Variants in ARID1B observed in about 807,000 individuals in gnomAD.
ARID1B encodes the protein AT-rich interactive domain-containing protein 1B.
A neutral mutation model predicts 212.3 loss-of-function variants in ARID1B; 30 were observed. The observed-to-expected ratio is 0.14, with a 90% CI of 0.11 to 0.19. The LOEUF is 0.19. Among genes scored for constraint, ARID1B ranks in the 10% least tolerant of loss-of-function variants. The probability of loss-of-function intolerance (pLI) is 1.00; values close to 1 mark genes in which losing one functional copy is unlikely to be tolerated. For synonymous variants in ARID1B, 1,402 were observed against 1,301.7 expected, an observed-to-expected ratio of 1.08 and a Z score of -1.66; for missense variants, 2,891 against 3,204.0, an observed-to-expected ratio of 0.90 and a Z score of 2.36.
chr6:156,868,002 C>T (rs1162222032), intron 2 of ARID1B, among the ~76,000 whole-genome samples: 1 of 152,160 alleles, frequency 6.6e-6, no homozygotes, highest in Non-Finnish European at 1.5e-5. Flanking sequence ...CTTCCTGTCC[C>T]TAGCGCTCTT....
chr6:156,782,545 A>C (rs775245128), intron 1 of ARID1B, among the ~76,000 whole-genome samples: 4 of 152,170 alleles, frequency 2.6e-5, no homozygotes, highest in Non-Finnish European at 5.9e-5. Context: ...TAGTTTTATA[A>C]AACGTAGTAC....
intron 3 of ARID1B, 56 bp downstream of exon 3, chr6:156,901,581 G>A (rs571954104): frequency 6.5e-7 from 1 of 1,548,996 alleles, no homozygotes; most frequent in Non-Finnish European, 8.7e-7. Context: ...GGCAGACCCG[G>A]CTCTGAATCA....
At chr6:156,918,204 T>A (rs1790508967) in intron 3 of ARID1B, among the ~76,000 whole-genome samples, 1 of 152,188 alleles carries the variant, frequency 6.6e-6, no homozygotes, top group Admixed American at 6.5e-5. Flanking sequence ...AGAAGTCACA[T>A]TAGGGACAGA....
At chr6:156,878,929 G>A (rs1786812962) in intron 2 of ARID1B, among the ~76,000 whole-genome samples, 2 of 152,240 alleles carry the variant, frequency 1.3e-5, no homozygotes, top group Non-Finnish European at 2.9e-5. Flanking sequence ...CATTGAGTGA[G>A]GTGGAGGAAG....
At chr6:157,046,864 T>C (rs959713602) in intron 4 of ARID1B, among the ~76,000 whole-genome samples, 2 of 152,248 alleles carry the variant, frequency 1.3e-5, no homozygotes, top group African/African-American at 4.8e-5. Flanking sequence ...CCTAAGATTT[T>C]TTCAATTTCT....
chr6:157,190,013 G>A lies in ARID1B; in HGVS notation c.4059-25G>A, dbSNP rs780378093. 30 of 1,611,332 alleles carry A rather than the reference G, an allele frequency of 1.9e-5. No homozygotes were observed. In the South Asian group the frequency reaches 3.0e-4, roughly 16 times the overall value. ...GAGGTAACTCCTGCTGTATCATTAA[G>A]CTTTCATTCTTTGCCTCTCTTCAGA... On this transcript the variant is annotated intron_variant, in intron 14 of 19. Transcript: ENST00000636930. This position sits in a 1 kb window ranked among gnomAD's most constrained non-coding sequence, Gnocchi z 4.6.
At chr6:157,018,197 A>G (rs1780020728) in intron 4 of ARID1B, among the ~76,000 whole-genome samples, 2 of 148,324 alleles carry the variant, frequency 1.3e-5, no homozygotes, top group Admixed American at 6.7e-5. Flanking sequence ...GAATGTCTAA[A>G]CAAAAAGTAG....
chr6:156,816,838 C>T (rs566962447), intron 1 of ARID1B, among the ~76,000 whole-genome samples: 16 of 152,128 alleles, frequency 1.1e-4, no homozygotes, highest in Non-Finnish European at 2.2e-4. Context: ...TGAATTTGTC[C>T]TTCTGGAGTT....
At chr6:157,055,976 C>T (rs1024786444) in intron 4 of ARID1B, among the ~76,000 whole-genome samples, 18 of 152,208 alleles carry the variant, frequency 1.2e-4, no homozygotes, top group African/African-American at 4.3e-4. Flanking sequence ...CAATCTCTCC[C>T]ACCTCTTTTA....
intron 4 of ARID1B, 46 bp downstream of exon 4, chr6:156,935,622 T>A (rs2128275598): frequency 1.4e-6 from 2 of 1,478,474 alleles, no homozygotes; most frequent in Non-Finnish European, 1.9e-6. Flanking sequence ...AGTTAAAGAC[T>A]TTTAGAAAGA....
At chr6:157,104,199 C>A (rs186874921) in intron 5 of ARID1B, among the ~76,000 whole-genome samples, 1 of 152,148 alleles carries the variant, frequency 6.6e-6, no homozygotes, top group Non-Finnish European at 1.5e-5. Flanking sequence ...CTCTCTGTAA[C>A]AAAACTCAAC....
At chr6:156,833,838 A>T (rs1783311686) in intron 2 of ARID1B, among the ~76,000 whole-genome samples, 1 of 152,204 alleles carries the variant, frequency 6.6e-6, no homozygotes, top group East Asian at 1.9e-4. Flanking sequence ...TTTTTTGAGT[A>T]AAATATTTAT....
intron 2 of ARID1B, among the ~76,000 whole-genome samples, chr6:156,838,643 A>G (rs1783673169): frequency 6.6e-6 from 1 of 151,972 alleles, no homozygotes; most frequent in Non-Finnish European, 1.5e-5. Flanking sequence ...GCAGCAAACC[A>G]ACATGGCACA....
intron 1 of ARID1B, among the ~76,000 whole-genome samples, chr6:156,797,943 C>A (rs1254302802): frequency 6.6e-6 from 1 of 152,160 alleles, no homozygotes; most frequent in Non-Finnish European, 1.5e-5. Context: ...CCACAGGGGG[C>A]AGGAAGACAT....
At chr6:157,116,443 A>T (rs1347217503) in intron 6 of ARID1B, among the ~76,000 whole-genome samples, 5 of 150,208 alleles carry the variant, frequency 3.3e-5, no homozygotes, top group African/African-American at 9.8e-5. Context: ...CTAGATCTGG[A>T]TTCCCAAAAT....
At chr6:156,816,601 T>C (rs1781980190) in intron 1 of ARID1B, among the ~76,000 whole-genome samples, 1 of 152,166 alleles carries the variant, frequency 6.6e-6, no homozygotes, top group African/African-American at 2.4e-5. Context: ...GGTGGAGCCT[T>C]GTGAAGGCAG....
intron 3 of ARID1B, among the ~76,000 whole-genome samples, chr6:156,920,381 T>C (rs1427772214): frequency 6.6e-6 from 1 of 152,248 alleles, no homozygotes; most frequent in Non-Finnish European, 1.5e-5. Flanking sequence ...GGGAATTATT[T>C]TTTTCCTGGA....
chr6:156,907,463 A>G (rs143420532), intron 3 of ARID1B, among the ~76,000 whole-genome samples: 3 of 152,338 alleles, frequency 2.0e-5, no homozygotes, highest in Non-Finnish European at 4.4e-5. Flanking sequence ...TATAATAAAC[A>G]TAGCCTCATG....
At chr6:156,928,167 G>A (rs544644062) in intron 3 of ARID1B, among the ~76,000 whole-genome samples, 72 of 152,286 alleles carry the variant, frequency 4.7e-4, no homozygotes, top group Admixed American at 7.8e-4. Context: ...CCTGGTGGCC[G>A]GAGGGTGCCT....
Sources: gnomAD v4.1 joint callset for allele counts (sites outside exome capture counted in the v4.1 genomes callset) on GRCh38, gnomAD v4.1.1 for gene constraint, Gnocchi (gnomAD v3.1) non-coding constraint, MANE v1.5 for transcripts, NCBI Gene and HGNC (gene_info 2026-07-23, HGNC 2026-07-21) for gene names.